RRP15: variants seen among roughly 807,000 people sequenced by gnomAD.
The protein encoded by RRP15 is ribosomal RNA processing 15 homolog.
In RRP15, 18 loss-of-function variants were observed where a neutral mutation model predicts 27.1. The observed-to-expected ratio is 0.66, with a 90% CI of 0.46 to 0.98. RRP15 has a LOEUF of 0.98. Among genes scored for constraint, RRP15 ranks in the 50% least tolerant of loss-of-function variants. The probability of loss-of-function intolerance (pLI) is 0.00; values close to 1 mark genes in which losing one functional copy is unlikely to be tolerated. For missense variants in RRP15, 359 were observed against 337.8 expected (o/e 1.06, Z -0.49); for synonymous variants, 107 against 109.4 (o/e 0.98, Z 0.14).
At chr1:218,321,139 A>T (rs1656181749) in intron 4 of RRP15, among the ~76,000 whole-genome samples, 1 of 152,180 alleles carries the variant, frequency 6.6e-6, no homozygotes, top group African/African-American at 2.4e-5. Context: ...CTTTGAAATG[A>T]AAGCTGATTA....
Position 218,335,989 on chromosome 1 carries a change from C to T in RRP15, c.*4898C>T, listed in dbSNP as rs944134603. The T allele has an allele frequency of 1.3e-5, 2 of 152,012 alleles. No individual in the cohort carries two copies. The highest frequency in any genetic ancestry group is 4.8e-5 in the African/African-American group (2 of 41,378). The allele number at this position is 152,012 out of a possible 1,614,324, so 9.4% of individuals were successfully genotyped here. A position where few individuals can be genotyped will look rare whatever the true frequency, so the allele number is the denominator to read the frequency against. On this transcript the variant is annotated 3_prime_UTR_variant, in exon 5 of 5. Transcript: ENST00000366932. ...GGCTTTCAGAATTAATGCACCAAAC[C>T]TTAAATATTTTTGTTGTTCTCTAAA...
chr1:218,311,850 G>C (rs895494485), intron 4 of RRP15, among the ~76,000 whole-genome samples: 1 of 152,216 alleles, frequency 6.6e-6, no homozygotes, highest in African/African-American at 2.4e-5. Context: ...TTTTGCAGAT[G>C]CAGTTAAATT....
Position 218,320,047 on chromosome 1 carries a change from CT to C in RRP15, c.706-10892del, listed in dbSNP as rs140693389. 1.5e-3 allele frequency among the ~76,000 whole-genome samples: 210 copies of C among 139,314 alleles called. 3 individuals are homozygous for C. Among genetic ancestry groups the C allele is most frequent in the Non-Finnish European group, 1.7e-3 (110 of 64,020 alleles). The allele number at this position is 139,314 out of a possible 152,430, so 91.4% of individuals were successfully genotyped here. ...TTTTTTTTTTTACTATGTTTTATTT[CT>C]TTTTTTTTCTTTTATTTTATTATTA... On this transcript the variant is annotated intron_variant, in intron 4 of 4. Transcript: ENST00000366932.
At chr1:218,306,241 A>T (rs1011682953) in intron 3 of RRP15, among the ~76,000 whole-genome samples, 6 of 152,190 alleles carry the variant, frequency 3.9e-5, no homozygotes, top group African/African-American at 7.2e-5. Context: ...TTTATTATTC[A>T]TGGCAAAAAC....
At chr1:218,309,682 CAAAAAAAAAAA>C (rs751452477) in intron 4 of RRP15, among the ~76,000 whole-genome samples, 131 of 22,534 alleles carry the variant, frequency 5.8e-3, no homozygotes, top group African/African-American at 0.014. Context: ...GACTCCATCT[CAAAAAAAAAAA>C]AAAAAAAAAA....
intron 4 of RRP15, among the ~76,000 whole-genome samples, chr1:218,314,074 C>G (rs867981327): frequency 1.3e-5 from 2 of 151,726 alleles, no homozygotes; most frequent in African/African-American, 2.4e-5. Flanking sequence ...AGCCTGGTCT[C>G]GAACTCCTGG....
chr1:218,326,462 T>C (rs978498215), intron 4 of RRP15, among the ~76,000 whole-genome samples: 29 of 152,240 alleles, frequency 1.9e-4, no homozygotes, highest in Admixed American at 2.0e-4. Flanking sequence ...AAATTTTGTG[T>C]TTGCATTGTT....
In RRP15 at chr1:218,335,599, T is replaced by A. The variant is rs925497087; in HGVS notation, c.*4508T>A. On this transcript the variant is annotated 3_prime_UTR_variant, in exon 5 of 5. Transcript: ENST00000366932. The stretch of plus-strand genomic sequence containing the variant: ...CTTGTGATACAGAGGAACTAAATTT[T>A]TAATTTTACTTAATTACTTTAAATT... The A allele has an allele frequency of 6.6e-6, 1 of 152,212 alleles. No homozygotes were observed. The highest frequency in any genetic ancestry group is 2.4e-5 in the African/African-American group (1 of 41,454). The allele number at this position is 152,212 out of a possible 1,614,324, so 9.4% of individuals were successfully genotyped here. A position where few individuals can be genotyped will look rare whatever the true frequency, so the allele number is the denominator to read the frequency against.
intron 1 of RRP15, among the ~76,000 whole-genome samples, chr1:218,293,944 A>T (rs576791603): frequency 1.3e-5 from 2 of 152,254 alleles, no homozygotes; most frequent in African/African-American, 4.8e-5. Context: ...TTTCTCATAT[A>T]CTAGATTATC....
At chr1:218,319,495 T>A (rs1181912137) in intron 4 of RRP15, among the ~76,000 whole-genome samples, 1 of 152,244 alleles carries the variant, frequency 6.6e-6, no homozygotes, top group Non-Finnish European at 1.5e-5. Context: ...CTGGCTCATG[T>A]GTCCTTTTGG....
chr1:218,314,957 A>G (rs1355822044), intron 4 of RRP15, among the ~76,000 whole-genome samples: 1 of 147,754 alleles, frequency 6.8e-6, no homozygotes, highest in Non-Finnish European at 1.5e-5. Context: ...GCGCCACTGC[A>G]CTCCAGCCTG....
chr1:218,296,135 T>C (rs908182557), intron 1 of RRP15, among the ~76,000 whole-genome samples: 6 of 152,164 alleles, frequency 3.9e-5, no homozygotes, highest in Non-Finnish European at 5.9e-5. Context: ...ATAGAAATTT[T>C]TTAAATTCAA....
intron 1 of RRP15, among the ~76,000 whole-genome samples, chr1:218,294,539 C>G (rs767735966): frequency 2.6e-5 from 4 of 152,076 alleles, no homozygotes; most frequent in Admixed American, 6.6e-5. Context: ...TGAACAGATG[C>G]ATAGGGTGAA....
Position 218,302,404 on chromosome 1 carries a change from T to A in RRP15, c.250T>A (p.Ser84Thr). Reference protein sequence around the residue: ...CDKENENDGESSVGTNMGWAD... With the variant: ...CDKENENDGETSVGTNMGWAD... ...CAAAGAAAATGAAAATGATGGAGAA[T>A]CAAGTGTTGGGACTAATATGGGCTG... The change falls in exon 2 of 5, where the codon TCA becomes ACA. Residue 84 changes from serine to threonine, a missense_variant. By Grantham distance (58) the Ser-to-Thr change is moderately conservative (BLOSUM62 1). Transcript: ENST00000366932. 6.2e-7 allele frequency: 1 copy of A among 1,613,920 alleles called. No homozygotes were observed. The highest frequency in any genetic ancestry group is 8.5e-7 in the Non-Finnish European group (1 of 1,179,942).
chr1:218,324,251 C>T (rs910155196), intron 4 of RRP15, among the ~76,000 whole-genome samples: 4 of 152,210 alleles, frequency 2.6e-5, no homozygotes, highest in African/African-American at 9.6e-5. Context: ...AGGGGAGGTG[C>T]AGGTGGCATG....
intron 4 of RRP15, among the ~76,000 whole-genome samples, chr1:218,314,088 C>T (rs1387243212): frequency 6.6e-6 from 1 of 151,856 alleles, no homozygotes; most frequent in Non-Finnish European, 1.5e-5. Flanking sequence ...CTCCTGGGTT[C>T]AAGTGATCCA....
intron 4 of RRP15, among the ~76,000 whole-genome samples, chr1:218,320,774 G>A (rs1016392348): frequency 2.0e-5 from 3 of 151,708 alleles, no homozygotes; most frequent in Non-Finnish European, 4.4e-5. Context: ...ATCAGTGGGC[G>A]AAAAAAATTG....
chr1:218,309,097 G>A (rs1655948650), intron 4 of RRP15, among the ~76,000 whole-genome samples: 1 of 152,046 alleles, frequency 6.6e-6, no homozygotes, highest in Admixed American at 6.6e-5. Flanking sequence ...ACTTGCCCTT[G>A]ACTTTCTTTT....
At position 218,289,410 on chromosome 1, in the gene RRP15, T is replaced by C. The variant is rs549798370; in HGVS notation, c.139+3955T>C. Reference sequence around the variant, plus strand: ...GTTATCTGTTATTCCACTCGTTTTATTCCATAATCTAACCATTAGATCATA... The same window carrying C: ...GTTATCTGTTATTCCACTCGTTTTACTCCATAATCTAACCATTAGATCATA... On this transcript the variant is annotated intron_variant, in intron 1 of 4. Transcript: ENST00000366932. Among the ~76,000 whole-genome samples, 49 of 152,344 alleles carry C rather than the reference T, an allele frequency of 3.2e-4. 2 individuals are homozygous for C. In the South Asian group the frequency reaches 9.7e-3, roughly 30 times the overall value.
Sources: gnomAD v4.1 joint callset for allele counts (sites outside exome capture counted in the v4.1 genomes callset) on GRCh38, gnomAD v4.1.1 for gene constraint, MANE v1.5 for transcripts, NCBI Gene and HGNC (gene_info 2026-07-23, HGNC 2026-07-21) for gene names.